Variants in CRPPA observed in about 807,000 individuals in gnomAD.
The protein encoded by CRPPA is CDP-L-ribitol pyrophosphorylase A.
Under a neutral mutation model 52.0 loss-of-function variants are expected in CRPPA, and 43 were observed. The observed-to-expected ratio is 0.83, with a 90% CI of 0.65 to 1.07. The LOEUF (loss-of-function observed/expected upper bound fraction) is 1.07. Ranked by LOEUF, CRPPA falls within the 50% of genes least tolerant of loss-of-function variation. The pLI is 0.00. For synonymous variants in CRPPA, 250 were observed against 203.5 expected, an observed-to-expected ratio of 1.23 and a Z score of -1.94; for missense variants, 629 against 551.7, an observed-to-expected ratio of 1.14 and a Z score of -1.40.
intron 5 of CRPPA, among the ~76,000 whole-genome samples, chr7:16,291,278 T>C (rs1784558225): frequency 6.6e-6 from 1 of 151,902 alleles, no homozygotes; most frequent in Admixed American, 6.6e-5. Flanking sequence ...ATCAAAGGAA[T>C]ATATGTACCC....
At chr7:16,137,284 T>A (rs1265891601) in intron 9 of CRPPA, among the ~76,000 whole-genome samples, 1 of 152,204 alleles carries the variant, frequency 6.6e-6, no homozygotes, top group Non-Finnish European at 1.5e-5. Flanking sequence ...CACCAAACAC[T>A]GAACATGCCA....
At chr7:16,323,495 G>C (rs1051198756) in intron 3 of CRPPA, among the ~76,000 whole-genome samples, 1 of 152,140 alleles carries the variant, frequency 6.6e-6, no homozygotes, top group Non-Finnish European at 1.5e-5. Flanking sequence ...GAAGAACATG[G>C]TTGGATAATC....
chr7:16,362,395 G>A lies in CRPPA; in HGVS notation c.684+13697C>T, dbSNP rs146687721. ...CACAGTGTCCTCACATGGCAGAAGA[G>A]GTAGAAGGGCCCAACAGCTCTGATG... is the stretch of plus-strand genomic sequence containing the variant. On this transcript the variant is annotated intron_variant, in intron 3 of 9. Coordinates refer to ENST00000407010, the MANE Select transcript of CRPPA (RefSeq NM_001101426.4). Among the ~76,000 whole-genome samples the A allele has an allele frequency of 2.6e-4, 40 of 152,264 alleles. 1 individual carries two copies. Among genetic ancestry groups the A allele is most frequent in the African/African-American group, 9.6e-4 (40 of 41,562 alleles).
chr7:16,379,891 T>C (rs1333658970), intron 2 of CRPPA, among the ~76,000 whole-genome samples: 1 of 152,202 alleles, frequency 6.6e-6, no homozygotes, highest in Non-Finnish European at 1.5e-5. Flanking sequence ...GATTTTGGGC[T>C]GAGACAATGG....
intron 9 of CRPPA, among the ~76,000 whole-genome samples, chr7:16,161,211 C>G (rs993777687): frequency 4.6e-5 from 7 of 152,264 alleles, no homozygotes; most frequent in African/African-American, 1.4e-4. Flanking sequence ...CCAGAACTTC[C>G]AAAACTATGC....
chr7:16,141,146 A>C (rs185749511), intron 9 of CRPPA, among the ~76,000 whole-genome samples: 1 of 152,252 alleles, frequency 6.6e-6, no homozygotes, highest in Admixed American at 6.5e-5. Context: ...TTATAATTCA[A>C]GTGCCATTGG....
chr7:16,206,879 C>G (rs931041592), intron 9 of CRPPA, among the ~76,000 whole-genome samples: 8 of 152,106 alleles, frequency 5.3e-5, no homozygotes, highest in African/African-American at 1.7e-4. Context: ...AGCACATTGT[C>G]ACTTTCCATT....
intron 9 of CRPPA, among the ~76,000 whole-genome samples, chr7:16,203,175 T>C (rs1781895471): frequency 6.6e-6 from 1 of 152,156 alleles, no homozygotes; most frequent in Admixed American, 6.5e-5. Context: ...TGGACACAAA[T>C]CTTTAGTGTC....
intron 3 of CRPPA, among the ~76,000 whole-genome samples, chr7:16,364,437 A>C (rs78611004): frequency 0.027 from 4,166 of 152,292 alleles, 188 homozygotes; most frequent in African/African-American, 0.095. Flanking sequence ...GAGGCATCTG[A>C]AGAACTCTCC....
At chr7:16,118,549 T>C (rs949696030) in intron 9 of CRPPA, among the ~76,000 whole-genome samples, 2 of 152,300 alleles carry the variant, frequency 1.3e-5, no homozygotes, top group Admixed American at 6.5e-5. Context: ...AATCCCAGTG[T>C]GTAGCCTGCT....
At chr7:16,097,152 G>C (rs911462526) in intron 9 of CRPPA, among the ~76,000 whole-genome samples, 10 of 151,858 alleles carry the variant, frequency 6.6e-5, no homozygotes, top group Admixed American at 5.9e-4. Context: ...GAAAATTCAA[G>C]GCTTCAGTAA....
chr7:16,267,843 TA>T (rs1393042767), intron 6 of CRPPA, among the ~76,000 whole-genome samples: 1 of 152,014 alleles, frequency 6.6e-6, no homozygotes, highest in East Asian at 1.9e-4. Context: ...AACTAAACAA[TA>T]AAAATACAAA....
chr7:16,297,004 T>C (rs894360939), intron 5 of CRPPA, among the ~76,000 whole-genome samples: 2 of 152,208 alleles, frequency 1.3e-5, no homozygotes, highest in Non-Finnish European at 2.9e-5. Context: ...AAACCACTGA[T>C]GTACTCACCC....
intron 9 of CRPPA, among the ~76,000 whole-genome samples, chr7:16,202,143 A>T (rs1781874750): frequency 6.6e-6 from 1 of 152,202 alleles, no homozygotes; most frequent in Non-Finnish European, 1.5e-5. Flanking sequence ...AAATTATTAC[A>T]GTTGAATTTT....
At chr7:16,197,491 C>T (rs1781764203) in intron 9 of CRPPA, among the ~76,000 whole-genome samples, 2 of 151,944 alleles carry the variant, frequency 1.3e-5, no homozygotes, top group Admixed American at 1.3e-4. Context: ...GTATGCACTC[C>T]CATACTTGCG....
chr7:16,351,673 C>T (rs1786157407), intron 3 of CRPPA, among the ~76,000 whole-genome samples: 1 of 152,122 alleles, frequency 6.6e-6, no homozygotes, highest in South Asian at 2.1e-4. Flanking sequence ...AGCTCATCAT[C>T]ACTGGTCATT....
chr7:16,304,532 T>C (rs564794938), intron 4 of CRPPA, among the ~76,000 whole-genome samples: 1 of 152,158 alleles, frequency 6.6e-6, no homozygotes, highest in Non-Finnish European at 1.5e-5. Context: ...TCCTAGCTAT[T>C]TGGGAGGCTA....
chr7:16,250,514 A>G (rs1783417666), intron 8 of CRPPA, among the ~76,000 whole-genome samples: 1 of 152,230 alleles, frequency 6.6e-6, no homozygotes, highest in Admixed American at 6.5e-5. Flanking sequence ...CATCAGGCTA[A>G]CAGCAGCTCT....
At chr7:16,121,917 T>C (rs1466290934) in intron 9 of CRPPA, among the ~76,000 whole-genome samples, 1 of 152,116 alleles carries the variant, frequency 6.6e-6, no homozygotes, top group Non-Finnish European at 1.5e-5. Context: ...GAACATTTGC[T>C]TTCTCTGCCG....
Sources: allele counts gnomAD v4.1 joint callset (sites outside exome capture counted in the v4.1 genomes callset), GRCh38; gene constraint gnomAD v4.1.1; transcripts MANE v1.5; gene names NCBI Gene and HGNC (gene_info 2026-07-23, HGNC 2026-07-21).